Variants in DUS2 observed in about 807,000 individuals in gnomAD.
The protein encoded by DUS2 is dihydrouridine synthase 2.
Under a neutral mutation model 71.3 loss-of-function variants are expected in DUS2, and 52 were observed. That is an observed-to-expected ratio of 0.73 (90% confidence interval 0.58 to 0.92). DUS2 has a LOEUF of 0.92. Among genes scored for constraint, DUS2 ranks in the 40% least tolerant of loss-of-function variants. The pLI, the probability that DUS2 is intolerant of heterozygous loss-of-function variation, is 0.00. For synonymous variants in DUS2, 204 were observed against 227.8 expected (o/e 0.90, Z 0.94); for missense variants, 558 against 622.6 (o/e 0.90, Z 1.10).
Position 68,066,620 on chromosome 16 carries a change from A to G in DUS2, c.538A>G (p.Ile180Val), listed in dbSNP as rs35174031. ...KRIERTGIAA[I>V]AVHGRKREER... ...GATAGAGAGGACTGGCATTGCTGCC[A>G]TCGCAGTTCATGGGAGGTGAGTGGT... The change falls in exon 10 of 17, where the codon ATC becomes GTC. Residue 180 changes from isoleucine (I) to valine (V), a missense_variant. Ile to Val is a conservative substitution (Grantham distance 29, BLOSUM62 3). Coordinates refer to ENST00000565263, the MANE Select transcript of DUS2 (RefSeq NM_017803.5). 58 of 1,614,040 alleles carry G rather than the reference A, an allele frequency of 3.6e-5. No homozygotes were observed. In the Middle Eastern group the frequency reaches 4.9e-4, roughly 14 times the overall value.
Position 68,070,128 on chromosome 16 carries a change from T to C in DUS2, c.555-6T>C, listed in dbSNP as rs1351683931. ...TAGCCCTCAGCCCCATCTTTCTATCTCCAAGGAAGCGGGAGGAGCGACCTC... is the reference window on the plus strand; with the variant it reads ...TAGCCCTCAGCCCCATCTTTCTATCCCCAAGGAAGCGGGAGGAGCGACCTC... On this transcript the variant is annotated splice_region_variant and splice_polypyrimidine_tract_variant and intron_variant, in intron 10 of 16. Coordinates refer to ENST00000565263, the MANE Select transcript of DUS2 (RefSeq NM_017803.5). 1.2e-6 allele frequency: 2 copies of C among 1,613,854 alleles called. No homozygotes were observed. The highest frequency in any genetic ancestry group is 1.7e-5 in the Admixed American group (1 of 60,010).
chr16:68,050,978 C>G (rs757332470), intron 4 of DUS2, among the ~76,000 whole-genome samples: 5 of 152,260 alleles, frequency 3.3e-5, no homozygotes, highest in Non-Finnish European at 7.3e-5. Flanking sequence ...ATGTCATTGC[C>G]TTTATCCCAC....
intron 2 of DUS2, among the ~76,000 whole-genome samples, chr16:68,036,228 T>C (rs1262831344): frequency 6.6e-6 from 1 of 151,004 alleles, no homozygotes; most frequent in African/African-American, 2.4e-5. Flanking sequence ...TGGCATGAGC[T>C]CGACTCACTG....
At chr16:68,070,783 A>G (rs77631743) in intron 11 of DUS2, among the ~76,000 whole-genome samples, 157 bp from the exon 12 acceptor site, 1 of 152,346 alleles carries the variant, frequency 6.6e-6, no homozygotes, top group Non-Finnish European at 1.5e-5. Flanking sequence ...ATAATGGGAT[A>G]TGGATTCTAA....
intron 7 of DUS2, 83 bp from the exon 8 acceptor site, chr16:68,060,983 C>G: frequency 1.5e-6 from 2 of 1,376,784 alleles, no homozygotes; most frequent in Non-Finnish European, 2.1e-6. Context: ...GCCGGGGTGA[C>G]GCTCAGTTGC....
intron 2 of DUS2, among the ~76,000 whole-genome samples, chr16:68,035,884 TTATATATATATATATATATATATATATA>T (rs71145987): frequency 0.15 from 17,251 of 113,330 alleles, 1,379 homozygotes; most frequent in South Asian, 0.23. Context: ...CCCGCTAATT[TTATATATATATATATATATATATATATA>T]TATATATATA....
chr16:68,043,673 CT>C (rs1020248020), intron 3 of DUS2, among the ~76,000 whole-genome samples: 1 of 151,240 alleles, frequency 6.6e-6, no homozygotes, highest in East Asian at 1.9e-4. Flanking sequence ...AATTTCTTTT[CT>C]TTTTTTTTGA....
chr16:68,025,552 G>T (rs1295202924), intron 2 of DUS2, 58 bp downstream of exon 2: 1 of 152,066 alleles, frequency 6.6e-6, no homozygotes, highest in African/African-American at 2.4e-5. Flanking sequence ...TAGGGTAGCT[G>T]GTTAATATAT....
intron 3 of DUS2, among the ~76,000 whole-genome samples, chr16:68,046,469 C>T (rs1467783086): frequency 2.6e-5 from 4 of 152,004 alleles, no homozygotes; most frequent in Non-Finnish European, 5.9e-5. Flanking sequence ...GCCTCCGCCT[C>T]CCAGGTTCAA....
intron 3 of DUS2, among the ~76,000 whole-genome samples, chr16:68,047,780 CGT>C (rs1434044565): frequency 1.1e-4 from 16 of 141,006 alleles, no homozygotes; most frequent in African/African-American, 3.6e-4. Context: ...ACCGTGCTGG[CGT>C]GTTTTTTTTT....
At chr16:68,044,775 T>G (rs1325867186) in intron 3 of DUS2, among the ~76,000 whole-genome samples, 1 of 152,066 alleles carries the variant, frequency 6.6e-6, no homozygotes, top group Non-Finnish European at 1.5e-5. Context: ...TTGAATTATT[T>G]CCTATGTGTT....
At chr16:68,023,680 T>A in intron 1 of DUS2, 3 of 171,086 alleles carry the variant, frequency 1.8e-5, no homozygotes. Context: ...GAGACAGGGG[T>A]CTGAAGTCAT....
At chr16:68,048,838 A>C (rs1186482530) in intron 3 of DUS2, among the ~76,000 whole-genome samples, 1 of 152,196 alleles carries the variant, frequency 6.6e-6, no homozygotes, top group Non-Finnish European at 1.5e-5. Flanking sequence ...TGAACAAAGC[A>C]GAACAGTCTT....
At chr16:68,051,633 C>T (rs2033780406) in intron 4 of DUS2, among the ~76,000 whole-genome samples, 2 of 151,970 alleles carry the variant, frequency 1.3e-5, no homozygotes, top group Admixed American at 6.6e-5. Context: ...TCAAGTGATC[C>T]CCCTGCCTCA....
chr16:68,045,827 A>C (rs2033692864), intron 3 of DUS2, among the ~76,000 whole-genome samples: 2 of 151,210 alleles, frequency 1.3e-5, no homozygotes, highest in South Asian at 4.2e-4. Context: ...TCCCATGTTC[A>C]AGTGATTCTC....
At chr16:68,029,042 A>G (rs913813166) in intron 2 of DUS2, among the ~76,000 whole-genome samples, 2 of 152,038 alleles carry the variant, frequency 1.3e-5, no homozygotes. Flanking sequence ...CTACAGAAAA[A>G]TTTAAACACA....
chr16:68,024,626 G>A (rs888803652), intron 1 of DUS2, among the ~76,000 whole-genome samples: 1 of 152,074 alleles, frequency 6.6e-6, no homozygotes, highest in Non-Finnish European at 1.5e-5. Flanking sequence ...CTCTACCCTT[G>A]TGCTACACAA....
intron 9 of DUS2, 78 bp from the exon 10 acceptor site, chr16:68,066,488 G>T: frequency 6.3e-7 from 1 of 1,586,168 alleles, no homozygotes; most frequent in South Asian, 1.1e-5. Context: ...GGAGAGAGTA[G>T]AGCTGAGCCT....
At chr16:68,055,486 G>C (rs922750081) in intron 6 of DUS2, among the ~76,000 whole-genome samples, 13 of 152,120 alleles carry the variant, frequency 8.5e-5, no homozygotes, top group Non-Finnish European at 2.9e-5. Context: ...GAGTGCTATA[G>C]TTAATGTGAT....
Sources: gnomAD v4.1 joint callset for allele counts (sites outside exome capture counted in the v4.1 genomes callset) on GRCh38, gnomAD v4.1.1 for gene constraint, MANE v1.5 for transcripts, NCBI Gene and HGNC (gene_info 2026-07-23, HGNC 2026-07-21) for gene names.